CHN2: variants seen among roughly 807,000 people sequenced by gnomAD.
The protein encoded by CHN2 is chimerin 2.
CHN2 carries 35 observed loss-of-function variants against 56.3 expected under a neutral mutation model. The ratio of observed to expected loss-of-function variants is 0.62; its 90% CI spans 0.47 to 0.82. The LOEUF is 0.82. Ranked by LOEUF, CHN2 falls within the 40% of genes least tolerant of loss-of-function variation. The probability of loss-of-function intolerance (pLI) is 0.00; values close to 1 mark genes in which losing one functional copy is unlikely to be tolerated. For synonymous variants in CHN2, 210 were observed against 212.8 expected (o/e 0.99, Z 0.12); for missense variants, 491 against 580.5 (o/e 0.85, Z 1.58).
chr7:29,451,692 T>C (rs372866113), intron 6 of CHN2, among the ~76,000 whole-genome samples: 4 of 152,306 alleles, frequency 2.6e-5, no homozygotes, highest in South Asian at 4.2e-4. Flanking sequence ...ATAATAATCA[T>C]GAGCCCCTGA....
Position 29,180,620 on chromosome 7 carries a change from C to T in CHN2, c.274+33660C>T, listed in dbSNP as rs537049982. Among the ~76,000 whole-genome samples, 26 of 151,772 alleles carry T rather than the reference C, an allele frequency of 1.7e-4. No homozygotes were observed. The South Asian group carries it at 5.2e-3, about 30-fold the overall frequency. ...AATCAAATTAAGGCAAATGATGAGC[C>T]AATAAAAATACCTTTGGCACAAATT... On this transcript the variant is annotated intron_variant, in intron 2 of 6. Transcript: ENST00000439384.
At chr7:29,374,801 TTTCCTTCCTTCCTTCC>T (rs57274609) in intron 3 of CHN2, among the ~76,000 whole-genome samples, 2,051 of 128,244 alleles carry the variant, frequency 0.016, 63 homozygotes, top group African/African-American at 0.055. Flanking sequence ...TATTTCTTTA[TTTCCTTCCTTCCTTCC>T]TTCCTTCCTT....
At chr7:29,286,207 C>CTCATCT (rs1438597098) in intron 1 of CHN2, among the ~76,000 whole-genome samples, 1 of 143,820 alleles carries the variant, frequency 7.0e-6, no homozygotes, top group Non-Finnish European at 1.5e-5. Flanking sequence ...TCCATTCTCT[C>CTCATCT]TCATCTTTTT....
intron 6 of CHN2, among the ~76,000 whole-genome samples, chr7:29,437,395 G>T (rs955084074): frequency 7.4e-6 from 1 of 135,166 alleles, no homozygotes; most frequent in African/African-American, 3.2e-5. Context: ...TCAGGAGATC[G>T]AGACCATCCT....
At chr7:29,464,603 T>C (rs981384453) in intron 6 of CHN2, among the ~76,000 whole-genome samples, 4 of 152,172 alleles carry the variant, frequency 2.6e-5, no homozygotes, top group African/African-American at 9.7e-5. Flanking sequence ...CTAAGAACCA[T>C]TGGAACTAGG....
intron 1 of CHN2, among the ~76,000 whole-genome samples, chr7:29,305,288 G>T (rs2128881092): frequency 6.6e-6 from 1 of 152,190 alleles, no homozygotes; most frequent in Non-Finnish European, 1.5e-5. Context: ...ATCCAACAAT[G>T]TTTTTTTAAA....
intron 1 of CHN2, among the ~76,000 whole-genome samples, chr7:29,333,194 CAG>C (rs1478597670): frequency 2.6e-5 from 4 of 152,076 alleles, no homozygotes; most frequent in Non-Finnish European, 5.9e-5. Flanking sequence ...CTGGGGTGTA[CAG>C]AGCAGCAATG....
intron 9 of CHN2, among the ~76,000 whole-genome samples, chr7:29,503,808 A>G (rs1206936342): frequency 6.6e-6 from 1 of 152,212 alleles, no homozygotes; most frequent in African/African-American, 2.4e-5. Flanking sequence ...AGCAGAGGCT[A>G]TTTGTTTGCT....
At chr7:29,486,176 T>G (rs1787967936) in intron 7 of CHN2, among the ~76,000 whole-genome samples, 1 of 151,788 alleles carries the variant, frequency 6.6e-6, no homozygotes, top group Non-Finnish European at 1.5e-5. Context: ...GTTCGTGGAG[T>G]GGGGATTTTT....
intron 1 of CHN2, chr7:29,146,760 T>C: frequency 6.5e-7 from 1 of 1,549,298 alleles, no homozygotes; most frequent in South Asian, 1.2e-5. Flanking sequence ...GTTTGTCCCT[T>C]TGTTTTATTT....
intron 7 of CHN2, chr7:29,483,736 G>A (rs1787619939): frequency 1.2e-6 from 1 of 833,526 alleles, no homozygotes; most frequent in Non-Finnish European, 1.6e-6. Flanking sequence ...ATACCTTATG[G>A]CTGAGCTCTG....
chr7:29,230,748 CT>C (rs1197390767), intron 1 of CHN2, among the ~76,000 whole-genome samples: 1 of 152,112 alleles, frequency 6.6e-6, no homozygotes, highest in African/African-American at 2.4e-5. Flanking sequence ...TCTGATTTTT[CT>C]TTTTTTCTCC....
chr7:29,310,609 A>G (rs1794526594), intron 1 of CHN2, among the ~76,000 whole-genome samples: 1 of 152,236 alleles, frequency 6.6e-6, no homozygotes, highest in African/African-American at 2.4e-5. Flanking sequence ...GTCTTAGTTC[A>G]TTTGGGCTGC....
chr7:29,352,262 G>A (rs893787298), intron 1 of CHN2, among the ~76,000 whole-genome samples: 7 of 152,124 alleles, frequency 4.6e-5, no homozygotes, highest in African/African-American at 1.2e-4. Context: ...TTGTGCTTGC[G>A]TCATAGAGTA....
intron 1 of CHN2, among the ~76,000 whole-genome samples, chr7:29,259,054 T>G (rs245979): frequency 0.73 from 110,783 of 150,772 alleles, 41,069 homozygotes; most frequent in East Asian, 0.99. Flanking sequence ...TGGGCCATGT[T>G]CAGTGGCTCA....
At chr7:29,464,795 G>A (rs1026582576) in intron 6 of CHN2, among the ~76,000 whole-genome samples, 3 of 152,194 alleles carry the variant, frequency 2.0e-5, no homozygotes, top group African/African-American at 7.2e-5. Context: ...AGCTCCATCT[G>A]CTTCCAGCAC....
chr7:29,464,699 C>T (rs1180851755), intron 6 of CHN2, among the ~76,000 whole-genome samples: 2 of 152,194 alleles, frequency 1.3e-5, no homozygotes, highest in Non-Finnish European at 2.9e-5. Context: ...CCAGGTGACT[C>T]CTGAATGTAG....
chr7:29,473,949 A>C (rs1786372253), intron 6 of CHN2, among the ~76,000 whole-genome samples: 1 of 151,924 alleles, frequency 6.6e-6, no homozygotes, highest in Non-Finnish European at 1.5e-5. Context: ...TGGAATAAGA[A>C]CATAGTCATT....
intron 6 of CHN2, among the ~76,000 whole-genome samples, chr7:29,473,729 G>C (rs1281080340): frequency 6.6e-6 from 1 of 151,962 alleles, no homozygotes; most frequent in African/African-American, 2.4e-5. Context: ...TATAAGGCAG[G>C]AGAAGCTGGA....
Sources: gnomAD v4.1 joint callset for allele counts (sites outside exome capture counted in the v4.1 genomes callset) on GRCh38, gnomAD v4.1.1 for gene constraint, MANE v1.5 for transcripts, NCBI Gene and HGNC (gene_info 2026-07-23, HGNC 2026-07-21) for gene names.